Variants in MPP4 observed in about 807,000 individuals in gnomAD.
MPP4 encodes MAGUK p55 subfamily member 4.
A neutral mutation model predicts 98.3 loss-of-function variants in MPP4; 91 were observed. That is an observed-to-expected ratio of 0.93 (90% confidence interval 0.78 to 1.10). The LOEUF is 1.10. Ranked by LOEUF, MPP4 falls within the 50% of genes least tolerant of loss-of-function variation. The pLI is 0.00. For missense variants in MPP4, 744 were observed against 792.9 expected (o/e 0.94, Z 0.74); for synonymous variants, 261 against 271.8 (o/e 0.96, Z 0.39).
rs764884610 is a variant in MPP4, at chr2:201,680,996, C to T, written c.771G>A (p.Glu257=). The change falls in exon 10 of 22, where the codon GAG becomes GAA. Residue 257 remains glutamate (E), a synonymous_variant. Transcript: ENST00000409474. ...CGTCCATGCAGGGGATGTCGGGATCCTCCTGGGGCCAGTACTCAGTCATGG... is the reference window on the plus strand; with the variant it reads ...CGTCCATGCAGGGGATGTCGGGATCTTCCTGGGGCCAGTACTCAGTCATGG... ...VRAMTEYWPQ[E]DPDIPCMDAG... The T allele has an allele frequency of 6.2e-7, 1 of 1,613,776 alleles. No individual in the cohort carries two copies. The highest frequency in any genetic ancestry group is 1.3e-5 in the African/African-American group (1 of 74,884).
At position 201,693,061 on chromosome 2, in the gene MPP4, C is replaced by T. The variant is rs1689084338; in HGVS notation, c.80-32G>A. The T allele has an allele frequency of 2.5e-6, 4 of 1,599,548 alleles. No homozygotes were observed. The East Asian group carries it at 9.0e-5, about 36-fold the overall frequency. ...AAGGAAGAGAGCAGAGATGGGGTGG[C>T]AGGTGCGGGTGTAAATGTGAAAGGC... is the stretch of plus-strand genomic sequence containing the variant. On this transcript the variant is annotated intron_variant, in intron 2 of 21. Transcript: ENST00000409474.
chr2:201,662,302 G>A (rs1019796614), intron 14 of MPP4, among the ~76,000 whole-genome samples: 22 of 149,736 alleles, frequency 1.5e-4, no homozygotes, highest in Admixed American at 1.2e-3. Context: ...TCAGGAGTTC[G>A]AGACTAGCCT....
intron 1 of MPP4, among the ~76,000 whole-genome samples, chr2:201,696,446 T>A (rs780025942): frequency 6.6e-5 from 10 of 152,214 alleles, no homozygotes; most frequent in Non-Finnish European, 1.2e-4. Context: ...AGGCTGACAC[T>A]CAGGCTGACT....
At chr2:201,690,364 A>AC (rs1688976420) in intron 3 of MPP4, 85 bp from the exon 4 acceptor site, 1 of 840,748 alleles carries the variant, frequency 1.2e-6, no homozygotes, top group African/African-American at 1.7e-5. Context: ...GAGAAGAAAC[A>AC]CCCCAGGCAA....
In MPP4 at chr2:201,677,975, T is replaced by C. The variant is rs187884814; in HGVS notation, c.930-2704A>G. On this transcript the variant is annotated intron_variant, in intron 10 of 21. Transcript: ENST00000409474. ...TCCAGTCCTCCAATGTGCCTCCTGG[T>C]TTTCTGAATGAGATTCAGGAGAGTC... Among the ~76,000 whole-genome samples the C allele has an allele frequency of 2.3e-3, 353 of 152,272 alleles. 3 individuals carry two copies. The highest frequency in any genetic ancestry group is 7.8e-3 in the African/African-American group (323 of 41,546).
At chr2:201,665,590 T>TA (rs1214027617) in intron 13 of MPP4, 2 of 152,174 alleles carry the variant, frequency 1.3e-5, no homozygotes, top group Admixed American at 6.5e-5. Context: ...ACTGCAAGTT[T>TA]AAAAAAATGT....
intron 6 of MPP4, among the ~76,000 whole-genome samples, chr2:201,685,412 G>C (rs902225230): frequency 1.3e-5 from 2 of 152,194 alleles, no homozygotes. Flanking sequence ...AAAAAGGAAA[G>C]GCCATTCGGC....
At chr2:201,651,981 A>G in intron 18 of MPP4, 1 of 961,078 alleles carries the variant, frequency 1.0e-6, no homozygotes, top group South Asian at 4.8e-5. Context: ...AGAAAAAAAA[A>G]AAGAAAGAAA....
At chr2:201,664,406 AGTGG>A in intron 13 of MPP4, 2 of 1,264,570 alleles carry the variant, frequency 1.6e-6, no homozygotes, top group Non-Finnish European at 2.1e-6. Context: ...GGAAGGGGAA[AGTGG>A]AATGTCAGGG....
intron 3 of MPP4, among the ~76,000 whole-genome samples, chr2:201,691,070 G>A (rs1177311549): frequency 3.9e-5 from 6 of 152,202 alleles, no homozygotes; most frequent in Admixed American, 1.3e-4. Context: ...CCCAGGGCCC[G>A]CATTCAGGTT....
chr2:201,661,042 T>C (rs939269758), intron 14 of MPP4, among the ~76,000 whole-genome samples: 2 of 152,224 alleles, frequency 1.3e-5, no homozygotes, highest in Admixed American at 1.3e-4. Context: ...TGCCTCAACC[T>C]CCTGAGTAGC....
At chr2:201,682,807 C>T (rs754811662) in intron 8 of MPP4, 24 bp downstream of exon 8, 19 of 1,609,268 alleles carry the variant, frequency 1.2e-5, no homozygotes, top group Non-Finnish European at 1.6e-5. Context: ...AAGTCATTAA[C>T]AAAAAGGCAA....
intron 21 of MPP4, among the ~76,000 whole-genome samples, chr2:201,646,357 T>G (rs1207507573): frequency 6.8e-6 from 1 of 146,234 alleles, no homozygotes; most frequent in South Asian, 2.1e-4. Flanking sequence ...TTGTGAAATG[T>G]TCATTTAATG....
chr2:201,651,190 C>T, intron 18 of MPP4: 4 of 985,396 alleles, frequency 4.1e-6, no homozygotes, highest in Non-Finnish European at 4.8e-6. Flanking sequence ...GATATCAATA[C>T]ATGGAAATGA....
At chr2:201,659,812 C>G (rs2105919360) in intron 15 of MPP4, among the ~76,000 whole-genome samples, 1 of 152,200 alleles carries the variant, frequency 6.6e-6, no homozygotes, top group South Asian at 2.1e-4. Flanking sequence ...CCAGTCTGGG[C>G]AACAGAGAGA....
At chr2:201,660,372 C>T in intron 14 of MPP4, 26 bp from the exon 15 acceptor site, 1 of 1,613,130 alleles carries the variant, frequency 6.2e-7, no homozygotes, top group Middle Eastern at 1.7e-4. Flanking sequence ...AGTGCAGAAA[C>T]AGACATGAAA....
chr2:201,675,903 G>A (rs1356593293), intron 10 of MPP4, among the ~76,000 whole-genome samples: 2 of 152,194 alleles, frequency 1.3e-5, no homozygotes, highest in Non-Finnish European at 2.9e-5. Context: ...AGCAAGAGAA[G>A]ATTTCGAAGA....
At chr2:201,667,401 C>A (rs1405968017) in intron 12 of MPP4, among the ~76,000 whole-genome samples, 1 of 152,200 alleles carries the variant, frequency 6.6e-6, no homozygotes, top group Non-Finnish European at 1.5e-5. Context: ...TCTGCTACTG[C>A]ACATCTATTC....
intron 18 of MPP4, chr2:201,651,661 A>G (rs1687714528): frequency 3.0e-6 from 3 of 985,426 alleles, no homozygotes; most frequent in Non-Finnish European, 3.6e-6. Context: ...CTATCGAAAA[A>G]TGGTGATTTT....
Sources: allele counts gnomAD v4.1 joint callset (sites outside exome capture counted in the v4.1 genomes callset), GRCh38; gene constraint gnomAD v4.1.1; transcripts MANE v1.5; gene names NCBI Gene and HGNC (gene_info 2026-07-23, HGNC 2026-07-21).